The following LUZP2 variants were observed in gnomAD, a reference collection of about 807,000 sequenced individuals.
LUZP2 encodes the protein leucine zipper protein 2.
LUZP2 carries 52 observed loss-of-function variants against 51.6 expected under a neutral mutation model. That is an observed-to-expected ratio of 1.01 (90% confidence interval 0.81 to 1.27). LUZP2 has a LOEUF of 1.27. Among genes scored for constraint, LUZP2 ranks in the 50% most tolerant of loss-of-function variants. The probability of loss-of-function intolerance (pLI) is 0.00; values close to 1 mark genes in which losing one functional copy is unlikely to be tolerated. For synonymous variants in LUZP2, 154 were observed against 137.3 expected, an observed-to-expected ratio of 1.12 and a Z score of -0.85; for missense variants, 436 against 395.4, an observed-to-expected ratio of 1.10 and a Z score of -0.87.
At chr11:24,601,916 A>G (rs1288709562) in intron 1 of LUZP2, among the ~76,000 whole-genome samples, 1 of 78,624 alleles carries the variant, frequency 1.3e-5, no homozygotes, top group South Asian at 3.4e-4. Context: ...ATATATGTAT[A>G]TATGTATATA....
At chr11:24,667,834 A>G (rs1338766119) in intron 1 of LUZP2, among the ~76,000 whole-genome samples, 2 of 152,214 alleles carry the variant, frequency 1.3e-5, no homozygotes, top group African/African-American at 4.8e-5. Flanking sequence ...ACCCCTCAGC[A>G]ATGAAAGTCC....
At chr11:24,943,706 C>T (rs996278815) in intron 7 of LUZP2, among the ~76,000 whole-genome samples, 4 of 151,894 alleles carry the variant, frequency 2.6e-5, no homozygotes, top group African/African-American at 9.7e-5. Flanking sequence ...GGTGAAACCT[C>T]GTCTCTGCTA....
At chr11:24,717,363 G>T (rs1053892696) in intron 1 of LUZP2, among the ~76,000 whole-genome samples, 1 of 150,572 alleles carries the variant, frequency 6.6e-6, no homozygotes. Context: ...TGCCATGGGG[G>T]TTTGTTGTAC....
intron 9 of LUZP2, among the ~76,000 whole-genome samples, chr11:25,030,904 TAATATATA>T (rs1857632343): frequency 2.1e-5 from 1 of 46,814 alleles, no homozygotes; most frequent in African/African-American, 9.4e-5. Context: ...TATATATATA[TAATATATA>T]TTGTATTATA....
intron 1 of LUZP2, among the ~76,000 whole-genome samples, chr11:24,519,373 G>A (rs879733162): frequency 2.0e-5 from 3 of 152,042 alleles, no homozygotes; most frequent in Non-Finnish European, 4.4e-5. Flanking sequence ...CTAGGAAATC[G>A]GATGTAGTTT....
intron 1 of LUZP2, among the ~76,000 whole-genome samples, chr11:24,505,822 A>G (rs1406967029): frequency 6.6e-6 from 1 of 151,614 alleles, no homozygotes; most frequent in Non-Finnish European, 1.5e-5. Context: ...CTTTTAAGAG[A>G]AAAAAAAATA....
chr11:25,047,946 T>G (rs374310297), intron 9 of LUZP2, among the ~76,000 whole-genome samples: 7 of 148,732 alleles, frequency 4.7e-5, no homozygotes, highest in African/African-American at 1.7e-4. Flanking sequence ...AGCCTCCTCA[T>G]TAGCTAGGAT....
chr11:24,996,634 T>C (rs1038343446), intron 9 of LUZP2, among the ~76,000 whole-genome samples: 1 of 128,630 alleles, frequency 7.8e-6, no homozygotes, highest in Non-Finnish European at 1.7e-5. Flanking sequence ...TTTATTTTAT[T>C]ATACTTTAAG....
At chr11:24,740,819 G>T (rs1264845189) in intron 4 of LUZP2, among the ~76,000 whole-genome samples, 3 of 151,988 alleles carry the variant, frequency 2.0e-5, no homozygotes, top group Non-Finnish European at 2.9e-5. Flanking sequence ...TTTCTCTGAG[G>T]CTTTTTCATT....
At chr11:25,030,954 T>TA (rs1857648419) in intron 9 of LUZP2, among the ~76,000 whole-genome samples, 3 of 3,006 alleles carry the variant, frequency 1.0e-3, no homozygotes, top group Non-Finnish European at 1.5e-3. Context: ...ATATTATATA[T>TA]ATAATACAAT....
chr11:24,895,940 A>C (rs1479694036), intron 5 of LUZP2, among the ~76,000 whole-genome samples: 1 of 152,196 alleles, frequency 6.6e-6, no homozygotes, highest in Non-Finnish European at 1.5e-5. Context: ...GGCTTCACCA[A>C]TTTACGTTCC....
In LUZP2 at chr11:24,698,519, T is replaced by G. The variant is rs751125970; in HGVS notation, c.63-30650T>G. 5.0e-4 allele frequency among the ~76,000 whole-genome samples: 76 copies of G among 152,196 alleles called. 1 individual carries two copies. The highest frequency in any genetic ancestry group is 1.4e-3 in the Admixed American group (22 of 15,272). ...AAAAAGGCTTCAGGATTTTGATCTC[T>G]CTTGTTTAAAATATTCATTGAAAGC... On this transcript the variant is annotated intron_variant, in intron 1 of 11. Coordinates refer to ENST00000336930, the MANE Select transcript of LUZP2 (RefSeq NM_001009909.4).
intron 10 of LUZP2, among the ~76,000 whole-genome samples, chr11:25,062,585 G>A: frequency 4.0e-5 from 1 of 25,218 alleles, no homozygotes; most frequent in Non-Finnish European, 7.6e-5. Context: ...GCAAGACCCT[G>A]TCAAAAAAAA....
chr11:25,081,014 C>T lies in LUZP2; in HGVS notation c.*2356C>T, dbSNP rs1859444078. On this transcript the variant is annotated 3_prime_UTR_variant, in exon 12 of 12. Coordinates refer to ENST00000336930, the MANE Select transcript of LUZP2 (RefSeq NM_001009909.4). Reference sequence around the variant, plus strand: ...TTAATTCCTGGCTTGATCAAGTGGGCTTTGGATCCATATGATTTTTTTTTT... The same window carrying T: ...TTAATTCCTGGCTTGATCAAGTGGGTTTTGGATCCATATGATTTTTTTTTT... 1 of 140,656 alleles carries T rather than the reference C, an allele frequency of 7.1e-6. No individual in the cohort carries two copies. Among genetic ancestry groups the T allele is most frequent in the African/African-American group, 2.6e-5 (1 of 37,976 alleles). 8.7% of individuals were successfully genotyped at this position (140,656 alleles called of 1,614,324 possible). A position where few individuals can be genotyped will look rare whatever the true frequency, so the allele number is the denominator to read the frequency against.
chr11:24,741,620 C>T (rs1447046101), intron 4 of LUZP2, among the ~76,000 whole-genome samples: 3 of 151,178 alleles, frequency 2.0e-5, no homozygotes, highest in East Asian at 1.9e-4. Context: ...TATAACTTTG[C>T]GTCCTCATAG....
intron 9 of LUZP2, among the ~76,000 whole-genome samples, chr11:24,999,415 A>G (rs1244790603): frequency 6.6e-6 from 1 of 151,122 alleles, no homozygotes; most frequent in South Asian, 2.1e-4. Context: ...GAAGGAGAAG[A>G]AGAAGGAGGA....
chr11:24,732,440 A>C (rs1858747761), intron 3 of LUZP2, among the ~76,000 whole-genome samples: 2 of 151,692 alleles, frequency 1.3e-5, no homozygotes, highest in African/African-American at 2.4e-5. Flanking sequence ...GCAAATAACA[A>C]TTTGAATGTT....
At chr11:25,055,574 A>T (rs1286376530) in intron 10 of LUZP2, among the ~76,000 whole-genome samples, 1 of 152,056 alleles carries the variant, frequency 6.6e-6, no homozygotes, top group Non-Finnish European at 1.5e-5. Context: ...CACCACCTAT[A>T]GGTAGTTGCA....
intron 1 of LUZP2, among the ~76,000 whole-genome samples, chr11:24,545,577 G>T (rs1851514971): frequency 1.1e-5 from 1 of 91,188 alleles, no homozygotes. Context: ...TTTTTTGACA[G>T]CTTTGTAAAA....
Sources: gnomAD v4.1 joint callset for allele counts (sites outside exome capture counted in the v4.1 genomes callset) on GRCh38, gnomAD v4.1.1 for gene constraint, MANE v1.5 for transcripts, NCBI Gene and HGNC (gene_info 2026-07-23, HGNC 2026-07-21) for gene names.